PPP2R3A: variants seen among roughly 807,000 people sequenced by gnomAD.
The protein encoded by PPP2R3A is protein phosphatase 2 regulatory subunit B''alpha, also known as serine/threonine-protein phosphatase 2A regulatory subunit B'' subunit alpha.
A neutral mutation model predicts 106.9 loss-of-function variants in PPP2R3A; 80 were observed. The ratio of observed to expected loss-of-function variants is 0.75; its 90% CI spans 0.62 to 0.90. The LOEUF is 0.90. Among genes scored for constraint, PPP2R3A ranks in the 40% least tolerant of loss-of-function variants. The pLI is 0.00. For synonymous variants in PPP2R3A, 483 were observed against 468.3 expected (o/e 1.03, Z -0.41); for missense variants, 1,386 against 1,350.4 (o/e 1.03, Z -0.41).
chr3:135,976,671 T>C (rs1937430130), intron 1 of PPP2R3A, among the ~76,000 whole-genome samples: 1 of 152,240 alleles, frequency 6.6e-6, no homozygotes, highest in African/African-American at 2.4e-5. Flanking sequence ...CTTTGTGGTA[T>C]CTTTTGTTAA....
chr3:136,097,140 C>T (rs1476638221), intron 10 of PPP2R3A, among the ~76,000 whole-genome samples: 1 of 151,898 alleles, frequency 6.6e-6, no homozygotes, highest in East Asian at 1.9e-4. Context: ...TTCCAATTTT[C>T]CTACAATAAA....
At chr3:136,025,558 T>C (rs1316875379) in intron 2 of PPP2R3A, among the ~76,000 whole-genome samples, 2 of 152,110 alleles carry the variant, frequency 1.3e-5, no homozygotes, top group East Asian at 3.8e-4. Context: ...ATAAATCTTA[T>C]CTCTTTATAA....
rs547640444 is a variant in PPP2R3A at position 136,102,081 on chromosome 3, A to G, written c.3002A>G (p.Tyr1001Cys). 2.5e-6 allele frequency: 4 copies of G among 1,613,942 alleles called. No homozygotes were observed. Among genetic ancestry groups the G allele is most frequent in the Middle Eastern group, 1.7e-4 (1 of 6,060 alleles). Residue 1001 changes from tyrosine (Y) to cysteine (C), a missense_variant, in exon 11 of 14, where the codon TAT (tyrosine) becomes TGT (cysteine). Coordinates refer to ENST00000264977, the MANE Select transcript of PPP2R3A (RefSeq NM_002718.5). ...VLSMYELEYF[Y>C]EEQCERMEAM... ...TCCATGTATGAGCTGGAGTACTTCTATGAGGAGCAGTGTGAACGGATGGAA... is the reference window on the plus strand; with the variant it reads ...TCCATGTATGAGCTGGAGTACTTCTGTGAGGAGCAGTGTGAACGGATGGAA...
intron 2 of PPP2R3A, among the ~76,000 whole-genome samples, chr3:136,016,357 T>C (rs1934267738): frequency 6.6e-6 from 1 of 152,248 alleles, no homozygotes; most frequent in South Asian, 2.1e-4. Context: ...ATAGTTTAAG[T>C]CCATTGTTTG....
intron 13 of PPP2R3A, among the ~76,000 whole-genome samples, chr3:136,131,167 A>T (rs1576334692): frequency 1.3e-5 from 2 of 152,208 alleles, no homozygotes; most frequent in South Asian, 4.1e-4. Flanking sequence ...AATGGGATCT[A>T]ATTAAACTAA....
At chr3:136,010,021 C>G (rs1317421035) in intron 2 of PPP2R3A, among the ~76,000 whole-genome samples, 5 of 152,088 alleles carry the variant, frequency 3.3e-5, no homozygotes, top group Non-Finnish European at 7.4e-5. Context: ...TTCCCTAGTC[C>G]ATTCACTTTC....
intron 3 of PPP2R3A, 118 bp downstream of exon 3, chr3:136,027,216 C>T: frequency 1.1e-6 from 1 of 920,044 alleles, no homozygotes; most frequent in East Asian, 2.7e-5. Flanking sequence ...TGTTTTTAAG[C>T]ATGCATGGAA....
intron 1 of PPP2R3A, among the ~76,000 whole-genome samples, chr3:135,968,746 A>G (rs1273685242): frequency 2.6e-5 from 4 of 152,182 alleles, no homozygotes; most frequent in East Asian, 1.9e-4. Flanking sequence ...CTAGTTTTGT[A>G]TATCATTGTA....
At chr3:136,030,365 T>C (rs999154339) in intron 3 of PPP2R3A, among the ~76,000 whole-genome samples, 4 of 152,158 alleles carry the variant, frequency 2.6e-5, no homozygotes, top group Admixed American at 1.3e-4. Flanking sequence ...TAAAAGTTGA[T>C]TTAATCATGT....
At chr3:136,056,353 T>G (rs1935860021) in intron 5 of PPP2R3A, among the ~76,000 whole-genome samples, 1 of 152,188 alleles carries the variant, frequency 6.6e-6, no homozygotes, top group Non-Finnish European at 1.5e-5. Context: ...TGTGTCAATA[T>G]CAGTTTAATT....
intron 4 of PPP2R3A, among the ~76,000 whole-genome samples, chr3:136,043,375 C>T (rs1264013199): frequency 2.0e-5 from 3 of 152,056 alleles, no homozygotes; most frequent in Admixed American, 6.5e-5. Context: ...AGGAGAATCG[C>T]GGGAACCCAG....
chr3:136,142,766 G>A (rs1938927870), intron 13 of PPP2R3A, among the ~76,000 whole-genome samples: 1 of 152,166 alleles, frequency 6.6e-6, no homozygotes, highest in Admixed American at 6.5e-5. Context: ...AATATTTACT[G>A]AATGAGTCAC....
At chr3:136,019,746 A>G (rs1224655633) in intron 2 of PPP2R3A, among the ~76,000 whole-genome samples, 1 of 152,188 alleles carries the variant, frequency 6.6e-6, no homozygotes, top group East Asian at 1.9e-4. Flanking sequence ...ACTCATTGCC[A>G]CAGACCAGTT....
At chr3:136,085,942 A>C (rs953585318) in intron 8 of PPP2R3A, among the ~76,000 whole-genome samples, 2 of 151,644 alleles carry the variant, frequency 1.3e-5, no homozygotes, top group Non-Finnish European at 2.9e-5. Context: ...CAAAAATTAA[A>C]AATTAAAAAA....
At chr3:136,128,912 A>G (rs186652452) in intron 13 of PPP2R3A, among the ~76,000 whole-genome samples, 2 of 152,194 alleles carry the variant, frequency 1.3e-5, no homozygotes, top group East Asian at 1.9e-4. Context: ...CTGCTCCTGA[A>G]TGACTACTGG....
rs767067916 is a variant in PPP2R3A at position 136,070,602 on chromosome 3, T to A, written c.2544+50T>A. 16 of 1,448,178 alleles carry A rather than the reference T, an allele frequency of 1.1e-5. No homozygotes were observed. The Admixed American group carries it at 3.3e-4, about 30-fold the overall frequency. The allele number at this position is 1,448,178 out of a possible 1,614,324, so 89.7% of individuals were successfully genotyped here. A position where few individuals can be genotyped will look rare whatever the true frequency, so the allele number is the denominator to read the frequency against. On this transcript the variant is annotated intron_variant, in intron 6 of 13. Transcript: ENST00000264977. ...AATATAACTCCATAAGTCACCTTTT[T>A]ATTACCATCTGCTATCCAGAATTTC... is the stretch of plus-strand genomic sequence containing the variant.
At chr3:136,076,803 C>T (rs1003263638) in intron 6 of PPP2R3A, among the ~76,000 whole-genome samples, 7 of 152,176 alleles carry the variant, frequency 4.6e-5, no homozygotes, top group East Asian at 1.9e-4. Context: ...AAAAATTAGC[C>T]GGGCATGGTG....
chr3:136,135,191 A>G (rs1031235820), intron 13 of PPP2R3A, among the ~76,000 whole-genome samples: 2 of 152,116 alleles, frequency 1.3e-5, no homozygotes, highest in Admixed American at 6.6e-5. Context: ...GTGAAATTCA[A>G]CCGTTGTATA....
intron 13 of PPP2R3A, among the ~76,000 whole-genome samples, chr3:136,114,180 C>G (rs1576321122): frequency 6.6e-6 from 1 of 152,074 alleles, no homozygotes; most frequent in East Asian, 1.9e-4. Context: ...AATTCTCTCC[C>G]CTACCCAAGG....
Sources: gnomAD v4.1 joint callset for allele counts (sites outside exome capture counted in the v4.1 genomes callset) on GRCh38, gnomAD v4.1.1 for gene constraint, MANE v1.5 for transcripts, NCBI Gene and HGNC (gene_info 2026-07-23, HGNC 2026-07-21) for gene names.